Variants in ERVK3-1 observed in about 807,000 individuals in gnomAD.
The protein encoded by ERVK3-1 is HERV-K(HML6-1).
intron 2 of ERVK3-1, among the ~76,000 whole-genome samples, chr19:58,308,268 A>C (rs1245253393): frequency 6.6e-6 from 1 of 152,218 alleles, no homozygotes; most frequent in African/African-American, 2.4e-5. Context: ...TGCAGTGCAA[A>C]TTAAAGGAAA....
chr19:58,314,706 T>C (rs1483746886), intron 3 of ERVK3-1, 42 bp from the exon 4 acceptor site: 7 of 389,476 alleles, frequency 1.8e-5, no homozygotes, highest in African/African-American at 4.2e-5. Context: ...TTATAATAAT[T>C]ACAAGAATAA....
intron 2 of ERVK3-1, among the ~76,000 whole-genome samples, chr19:58,307,184 G>A (rs1222143683): frequency 6.6e-6 from 1 of 152,234 alleles, no homozygotes; most frequent in Non-Finnish European, 1.5e-5. Flanking sequence ...CCATTCCTGA[G>A]AAAGGGGTCT....
At chr19:58,316,466 A>G (rs779245061), downstream of ERVK3-1, among the ~76,000 whole-genome samples, 11 of 151,874 alleles carry the variant, frequency 7.2e-5, no homozygotes, top group African/African-American at 9.7e-5. Flanking sequence ...GGTTGGGCCT[A>G]TGAGACCAGC....
intron 2 of ERVK3-1, chr19:58,311,629 C>G (rs1243694985): frequency 2.0e-5 from 3 of 152,208 alleles, no homozygotes; most frequent in African/African-American, 7.2e-5. Flanking sequence ...ATATAGCAGC[C>G]TTTGGCTAAC....
At chr19:58,306,208 G>C (rs904455742) in exon 2 of ERVK3-1, 1 of 152,188 alleles carries the variant, frequency 6.6e-6, no homozygotes, top group Non-Finnish European at 1.5e-5. Flanking sequence ...TGCCGGCGGA[G>C]AATATAAGGT....
At chr19:58,308,648 T>A (rs2051538971) in intron 2 of ERVK3-1, among the ~76,000 whole-genome samples, 1 of 152,084 alleles carries the variant, frequency 6.6e-6, no homozygotes, top group Admixed American at 6.6e-5. Context: ...GGCAAACAGA[T>A]AGGAAAGGGC....
In ERVK3-1 at chr19:58,308,097, T is replaced by G. The variant is rs146227448; in HGVS notation, c.-4+1881T>G. Among the ~76,000 whole-genome samples, 76 of 152,366 alleles carry G rather than the reference T, an allele frequency of 5.0e-4. 1 individual carries two copies. The East Asian group carries it at 0.014, about 28-fold the overall frequency. ...TGTAATGTCACAAGATCTTTGGGTT[T>G]TTAAACCTGGGAAATATATTGCTCA... On this transcript the variant is annotated intron_variant, in intron 2 of 3. Coordinates refer to ENST00000413518, the Ensembl canonical transcript of ERVK3-1.
intron 2 of ERVK3-1, chr19:58,309,670 C>T (rs1034617501): frequency 3.9e-5 from 6 of 152,216 alleles, no homozygotes; most frequent in Admixed American, 6.5e-5. Context: ...TCCTACCCCC[C>T]ATTCTCCATC....
Position 58,310,711 on chromosome 19 carries a change from A to C in ERVK3-1, c.-3-1455A>C, listed in dbSNP as rs950532739. 128 of 196,694 alleles carry C rather than the reference A, an allele frequency of 6.5e-4. No individual in the cohort carries two copies. The highest frequency in any genetic ancestry group is 1.7e-3 in the Admixed American group (31 of 18,678). The allele number at this position is 196,694 out of a possible 1,614,324, so 12.2% of individuals were successfully genotyped here. A position where few individuals can be genotyped will look rare whatever the true frequency, so the allele number is the denominator to read the frequency against. On this transcript the variant is annotated intron_variant, in intron 2 of 3. Transcript: ENST00000413518. This position sits in a 1 kb window ranked among gnomAD's most constrained non-coding sequence, Gnocchi z 4.7. ...TAGGAGCGTGACCACTGAAGCACAGAATCACAGGGAGACGGTTAGGCCTCC... is the reference window on the plus strand; with the variant it reads ...TAGGAGCGTGACCACTGAAGCACAGCATCACAGGGAGACGGTTAGGCCTCC...
At chr19:58,306,565 C>A (rs2051525161) in intron 2 of ERVK3-1, 1 of 152,188 alleles carries the variant, frequency 6.6e-6, no homozygotes, top group Admixed American at 6.5e-5. Flanking sequence ...TGCCAGACAG[C>A]AGGTGCTATG....
exon 4 of ERVK3-1, chr19:58,314,805 C>T (rs564565329): frequency 2.5e-6 from 1 of 399,998 alleles, no homozygotes; most frequent in South Asian, 1.3e-4. Flanking sequence ...CCTGAAATTA[C>T]CTTTATTCAA....
chr19:58,315,582 C>T (rs1372652921), exon 4 of ERVK3-1: 1 of 152,150 alleles, frequency 6.6e-6, no homozygotes, highest in Admixed American at 6.5e-5. Flanking sequence ...AGTTTGTTTA[C>T]TCATTAGTTC....
intron 2 of ERVK3-1, chr19:58,311,362 C>T (rs1203034939): frequency 1.3e-5 from 2 of 152,180 alleles, no homozygotes; most frequent in African/African-American, 4.8e-5. Context: ...ACACAACTTC[C>T]TGGGGCCACT....
rs984610758 is a variant in ERVK3-1, at chr19:58,310,721, A to C, written c.-3-1445A>C. 4 of 205,116 alleles carry C rather than the reference A, an allele frequency of 2.0e-5. No homozygotes were observed. The highest frequency in any genetic ancestry group is 9.3e-5 in the African/African-American group (4 of 42,824). 12.7% of individuals were successfully genotyped at this position (205,116 alleles called of 1,614,324 possible). ...ACCACTGAAGCACAGAATCACAGGG[A>C]GACGGTTAGGCCTCCGGATAACTGT... On this transcript the variant is annotated intron_variant, in intron 2 of 3. Coordinates refer to ENST00000413518, the Ensembl canonical transcript of ERVK3-1. The surrounding 1 kb of genome is among the most constrained non-coding windows in gnomAD (Gnocchi z 4.7).
intron 3 of ERVK3-1, among the ~76,000 whole-genome samples, chr19:58,314,339 A>T (rs1236772487): frequency 6.6e-6 from 1 of 152,182 alleles, no homozygotes; most frequent in East Asian, 1.9e-4. Flanking sequence ...AGAAAGCCTC[A>T]ACCCTGGCCG....
exon 4 of ERVK3-1, chr19:58,315,000 C>A (rs551884462): frequency 1.3e-5 from 5 of 381,546 alleles, no homozygotes; most frequent in African/African-American, 6.2e-5. Context: ...TCCCAGGTCC[C>A]GTGCTCCTTG....
chr19:58,312,501 A>C lies in ERVK3-1; in HGVS notation c.294+39A>C. Reference sequence around the variant, plus strand: ...GTGTAGAGGCAAAAACATATTGGGCATATGTTCCTAACCCACTGGTAGTAC... The same window carrying C: ...GTGTAGAGGCAAAAACATATTGGGCCTATGTTCCTAACCCACTGGTAGTAC... On this transcript the variant is annotated intron_variant, in intron 3 of 3. Coordinates refer to ENST00000413518, the Ensembl canonical transcript of ERVK3-1. This position sits in a 1 kb window ranked among gnomAD's most constrained non-coding sequence, Gnocchi z 4.7. 2.5e-6 allele frequency: 1 copy of C among 399,776 alleles called. No individual in the cohort carries two copies. The highest frequency in any genetic ancestry group is 3.6e-5 in the East Asian group (1 of 28,054). 24.8% of individuals were successfully genotyped at this position (399,776 alleles called of 1,614,324 possible).
At position 58,314,730 on chromosome 19, in the gene ERVK3-1, CTG is replaced by C. The variant is rs1229168849; in HGVS notation, c.295-16_295-15del. 2.6e-6 allele frequency: 1 copy of C among 381,528 alleles called. No homozygotes were observed. The highest frequency in any genetic ancestry group is 4.7e-6 in the Non-Finnish European group (1 of 214,298). 23.6% of individuals were successfully genotyped at this position (381,528 alleles called of 1,614,324 possible). ...TTACAAGAATAATGTTGTTATGTCT[CTG>C]TTTTTTTGCTCATAGTCTATAGGAT... On this transcript the variant is annotated splice_polypyrimidine_tract_variant and intron_variant, in intron 3 of 3. Transcript: ENST00000413518.
Position 58,312,078 on chromosome 19 carries a change from G to C in ERVK3-1, c.-3-88G>C. The C allele has an allele frequency of 2.5e-6, 1 of 398,736 alleles. No individual in the cohort carries two copies. The highest frequency in any genetic ancestry group is 3.6e-5 in the East Asian group (1 of 28,078). The allele number at this position is 398,736 out of a possible 1,614,324, so 24.7% of individuals were successfully genotyped here. ...GGAAAAGAGGCAAGTTTATCCAAAA[G>C]TGTTATGGAAATCCCCAGAAGAAGG... On this transcript the variant is annotated intron_variant, in intron 2 of 3. Transcript: ENST00000413518. The surrounding 1 kb of genome is among the most constrained non-coding windows in gnomAD (Gnocchi z 4.7).
Sources: gnomAD v4.1 joint callset for allele counts (sites outside exome capture counted in the v4.1 genomes callset) on GRCh38, gnomAD v4.1.1 for gene constraint, Gnocchi (gnomAD v3.1) non-coding constraint, MANE v1.5 for transcripts, NCBI Gene and HGNC (gene_info 2026-07-23, HGNC 2026-07-21) for gene names.